HECW1: variants seen among roughly 807,000 people sequenced by gnomAD.
HECW1 encodes HECT, C2 and WW domain containing E3 ubiquitin protein ligase 1.
In HECW1, 61 loss-of-function variants were observed where a neutral mutation model predicts 182.3. The observed-to-expected ratio is 0.33, with a 90% CI of 0.27 to 0.41. The LOEUF is 0.41. Among genes scored for constraint, HECW1 ranks in the 10% least tolerant of loss-of-function variants. HECW1 has a pLI of 1.00. For missense variants in HECW1, 1,739 were observed against 2,108.9 expected, an observed-to-expected ratio of 0.82 and a Z score of 3.44; for synonymous variants, 859 against 832.6, an observed-to-expected ratio of 1.03 and a Z score of -0.55.
intron 24 of HECW1, among the ~76,000 whole-genome samples, chr7:43,533,735 C>A (rs1316370000): frequency 2.0e-5 from 3 of 152,316 alleles, no homozygotes; most frequent in Non-Finnish European, 2.9e-5. Context: ...ACCAAAGGCA[C>A]AAGAGCCAAG....
chr7:43,342,980 G>A (rs1463033128), intron 5 of HECW1, among the ~76,000 whole-genome samples: 1 of 151,472 alleles, frequency 6.6e-6, no homozygotes, highest in Non-Finnish European at 1.5e-5. Context: ...GAGCCAAGAT[G>A]CACCACTGCA....
At chr7:43,133,252 T>A (rs1787154340) in intron 2 of HECW1, among the ~76,000 whole-genome samples, 1 of 151,836 alleles carries the variant, frequency 6.6e-6, no homozygotes, top group Non-Finnish European at 1.5e-5. Flanking sequence ...ATATACACAT[T>A]TATATATAAA....
intron 2 of HECW1, among the ~76,000 whole-genome samples, chr7:43,196,809 A>G (rs1794501238): frequency 6.6e-6 from 1 of 152,218 alleles, no homozygotes; most frequent in African/African-American, 2.4e-5. Context: ...GTGGTTTTAA[A>G]ACATATGAAG....
chr7:43,287,171 A>G (rs1342317330), intron 3 of HECW1, among the ~76,000 whole-genome samples: 2 of 152,362 alleles, frequency 1.3e-5, no homozygotes, highest in East Asian at 1.9e-4. Flanking sequence ...AATTCTGTAA[A>G]GAGAAATAAT....
In HECW1 at chr7:43,444,957, G is replaced by A. The variant is rs2077000127; in HGVS notation, c.1785G>A (p.Ser595=). 2.5e-6 allele frequency: 4 copies of A among 1,573,390 alleles called. No individual in the cohort carries two copies. Among genetic ancestry groups the A allele is most frequent in the Non-Finnish European group, 3.5e-6 (4 of 1,158,492 alleles). ...AGGAGTCCACCCTCAAGGACTCCTC[G>A]GAGAAGGATGGGCTCAGCGAGGTGG... ...AEEESTLKDS[S]EKDGLSEVDT... Residue 595 remains serine (S), a synonymous_variant, in exon 11 of 30, where the codon TCG becomes TCA. Transcript: ENST00000395891. The surrounding 1 kb of genome is among the most constrained non-coding windows in gnomAD (Gnocchi z 4.3).
intron 8 of HECW1, among the ~76,000 whole-genome samples, chr7:43,427,040 G>C (rs1176055634): frequency 6.6e-6 from 1 of 151,796 alleles, no homozygotes; most frequent in Non-Finnish European, 1.5e-5. Context: ...TTGAAAAAAA[G>C]GCCCTGAAAG....
intron 2 of HECW1, among the ~76,000 whole-genome samples, chr7:43,201,636 TC>T (rs972651061): frequency 6.6e-6 from 1 of 152,202 alleles, no homozygotes; most frequent in African/African-American, 2.4e-5. Context: ...AATTCCACTT[TC>T]CAAGTCTTTT....
intron 6 of HECW1, among the ~76,000 whole-genome samples, chr7:43,390,045 TCA>T (rs2074958457): frequency 6.6e-6 from 1 of 152,004 alleles, no homozygotes. Context: ...GTAAAGAAAA[TCA>T]TTCCTAATTA....
At chr7:43,461,423 G>A (rs768332911) in intron 13 of HECW1, among the ~76,000 whole-genome samples, 3 of 152,254 alleles carry the variant, frequency 2.0e-5, no homozygotes, top group Non-Finnish European at 4.4e-5. Flanking sequence ...AGTTCTGGAA[G>A]AGCATGTGGG....
chr7:43,501,147 C>A, intron 20 of HECW1, 66 bp from the exon 21 acceptor site: 4 of 910,010 alleles, frequency 4.4e-6, no homozygotes, highest in Non-Finnish European at 6.8e-6. Context: ...TTCGTGAACA[C>A]TTTCTCAGGG....
chr7:43,264,557 T>A (rs1013248652), intron 3 of HECW1, among the ~76,000 whole-genome samples: 1 of 152,126 alleles, frequency 6.6e-6, no homozygotes, highest in Non-Finnish European at 1.5e-5. Context: ...AAATAATTAC[T>A]ATTGTCAGCC....
At chr7:43,278,158 T>G (rs1803411226) in intron 3 of HECW1, among the ~76,000 whole-genome samples, 1 of 152,140 alleles carries the variant, frequency 6.6e-6, no homozygotes, top group Non-Finnish European at 1.5e-5. Context: ...GCTTGAGGTC[T>G]TCAACTGGGA....
At chr7:43,410,114 C>T (rs1287035373) in intron 8 of HECW1, among the ~76,000 whole-genome samples, 1 of 152,126 alleles carries the variant, frequency 6.6e-6, no homozygotes, top group African/African-American at 2.4e-5. Context: ...AGTCCAAATT[C>T]CAGGCAGGAA....
intron 2 of HECW1, among the ~76,000 whole-genome samples, chr7:43,123,258 G>A (rs933285143): frequency 6.6e-6 from 1 of 152,160 alleles, no homozygotes; most frequent in Non-Finnish European, 1.5e-5. Context: ...GCTTCCGGAG[G>A]AGCTACTCAC....
chr7:43,370,425 T>TTTGG (rs1328451329), intron 6 of HECW1, among the ~76,000 whole-genome samples: 1 of 152,214 alleles, frequency 6.6e-6, no homozygotes, highest in East Asian at 1.9e-4. Context: ...GTACAGCTAC[T>TTTGG]TTGGAAGACA....
intron 2 of HECW1, among the ~76,000 whole-genome samples, chr7:43,234,882 A>C (rs944855094): frequency 6.6e-6 from 1 of 152,170 alleles, no homozygotes; most frequent in Non-Finnish European, 1.5e-5. Flanking sequence ...CCCCCTCCAC[A>C]TGAGGCCCTG....
chr7:43,185,290 C>T (rs1187528229), intron 2 of HECW1, among the ~76,000 whole-genome samples: 1 of 152,192 alleles, frequency 6.6e-6, no homozygotes, highest in South Asian at 2.1e-4. Flanking sequence ...TCTAGCTGTT[C>T]ACCTGTATCA....
At chr7:43,303,642 T>C (rs1480778115) in intron 3 of HECW1, among the ~76,000 whole-genome samples, 1 of 152,170 alleles carries the variant, frequency 6.6e-6, no homozygotes, top group Non-Finnish European at 1.5e-5. Context: ...ATTTAGTTTA[T>C]GTAATTCTGT....
intron 16 of HECW1, among the ~76,000 whole-genome samples, chr7:43,474,398 G>A (rs1311800949): frequency 1.8e-4 from 28 of 152,108 alleles, no homozygotes; most frequent in Admixed American, 8.5e-4. Context: ...GCAGTGAGCC[G>A]AGATGGCGCC....
Sources: gnomAD v4.1 joint callset for allele counts (sites outside exome capture counted in the v4.1 genomes callset) on GRCh38, gnomAD v4.1.1 for gene constraint, Gnocchi (gnomAD v3.1) non-coding constraint, MANE v1.5 for transcripts, NCBI Gene and HGNC (gene_info 2026-07-23, HGNC 2026-07-21) for gene names.